Variants in CLYBL observed in about 807,000 individuals in gnomAD.
The protein encoded by CLYBL is citramalyl-CoA lyase, mitochondrial.
Under a neutral mutation model 38.9 loss-of-function variants are expected in CLYBL, and 31 were observed. The ratio of observed to expected loss-of-function variants is 0.80; its 90% CI spans 0.60 to 1.08. The LOEUF (loss-of-function observed/expected upper bound fraction) is 1.08, where lower values mean the gene tolerates loss of function less well. Among genes scored for constraint, CLYBL ranks in the 50% least tolerant of loss-of-function variants. CLYBL has a pLI of 0.00. For synonymous variants in CLYBL, 171 were observed against 158.6 expected (o/e 1.08, Z -0.59); for missense variants, 434 against 411.6 (o/e 1.05, Z -0.47).
At chr13:99,638,829 A>G (rs978980054) in intron 1 of CLYBL, among the ~76,000 whole-genome samples, 3 of 152,206 alleles carry the variant, frequency 2.0e-5, no homozygotes, top group South Asian at 4.1e-4. Flanking sequence ...GGTCCCCATG[A>G]GCTGGCACAC....
intron 8 of CLYBL, 64 bp downstream of exon 8, chr13:99,891,501 G>A: frequency 1.1e-6 from 1 of 903,104 alleles, no homozygotes; most frequent in Non-Finnish European, 1.8e-6. Flanking sequence ...CAACTTGTTA[G>A]GATGCCAGAT....
intron 1 of CLYBL, among the ~76,000 whole-genome samples, chr13:99,708,473 G>A (rs976345904): frequency 1.3e-5 from 2 of 152,210 alleles, no homozygotes; most frequent in Admixed American, 6.5e-5. Flanking sequence ...TGGAATGGAC[G>A]GATAGTGGTT....
At chr13:99,691,902 G>C (rs918934520) in intron 1 of CLYBL, among the ~76,000 whole-genome samples, 4 of 152,222 alleles carry the variant, frequency 2.6e-5, no homozygotes, top group African/African-American at 9.6e-5. Context: ...TGGGAACACA[G>C]AGCGAGAGTT....
chr13:99,793,767 A>G (rs1296115324), intron 2 of CLYBL, among the ~76,000 whole-genome samples: 1 of 152,120 alleles, frequency 6.6e-6, no homozygotes, highest in Non-Finnish European at 1.5e-5. Flanking sequence ...CTTTTCCTGC[A>G]ATTCCTAGGA....
chr13:99,653,841 C>A (rs1468856799), intron 1 of CLYBL, among the ~76,000 whole-genome samples: 1 of 152,100 alleles, frequency 6.6e-6, no homozygotes. Flanking sequence ...GCTGGACATG[C>A]CCATTTTCAT....
At position 99,656,255 on chromosome 13, in the gene CLYBL, G is replaced by A. The variant is rs370946344; in HGVS notation, c.62+49498G>A. Among the ~76,000 whole-genome samples the A allele has an allele frequency of 1.2e-4, 19 of 152,280 alleles. No individual in the cohort carries two copies. In the South Asian group the frequency reaches 3.5e-3, roughly 28 times the overall value. Reference sequence around the variant, plus strand: ...GAGAACCCCCAGACCTTAGGGTGGCGTGTTTGTCAGGGAGTAGACCAGGGT... The same window carrying A: ...GAGAACCCCCAGACCTTAGGGTGGCATGTTTGTCAGGGAGTAGACCAGGGT... On this transcript the variant is annotated intron_variant, in intron 1 of 8. Transcript: ENST00000339105.
intron 1 of CLYBL, among the ~76,000 whole-genome samples, chr13:99,619,255 G>C (rs1566590150): frequency 6.6e-6 from 1 of 152,156 alleles, no homozygotes; most frequent in Non-Finnish European, 1.5e-5. Flanking sequence ...GCTTCAGAGA[G>C]AGTTTTCCAG....
chr13:99,801,265 C>T (rs1211687441), intron 2 of CLYBL, among the ~76,000 whole-genome samples: 1 of 152,202 alleles, frequency 6.6e-6, no homozygotes, highest in African/African-American at 2.4e-5. Context: ...TCCCTTTTCC[C>T]CCTGCCTATT....
chr13:99,794,877 C>T (rs2049991493), intron 2 of CLYBL, among the ~76,000 whole-genome samples: 1 of 152,038 alleles, frequency 6.6e-6, no homozygotes, highest in Non-Finnish European at 1.5e-5. Flanking sequence ...TAGGTGTAAG[C>T]CACCACACCC....
At chr13:99,842,183 G>C (rs778021513) in intron 2 of CLYBL, among the ~76,000 whole-genome samples, 3 of 152,154 alleles carry the variant, frequency 2.0e-5, no homozygotes, top group Admixed American at 6.5e-5. Context: ...AGTGTGATTG[G>C]ATGAGGGGGC....
At chr13:99,812,234 T>C (rs2050356912) in intron 2 of CLYBL, among the ~76,000 whole-genome samples, 1 of 152,194 alleles carries the variant, frequency 6.6e-6, no homozygotes, top group Non-Finnish European at 1.5e-5. Flanking sequence ...CACATTTGTC[T>C]AGAGTTTTCT....
chr13:99,768,197 T>TTC (rs1555303281), intron 1 of CLYBL, among the ~76,000 whole-genome samples: 1 of 140,780 alleles, frequency 7.1e-6, no homozygotes, highest in African/African-American at 2.6e-5. Context: ...TTTTTCTTTT[T>TTC]TTTTTTTTTT....
intron 1 of CLYBL, among the ~76,000 whole-genome samples, chr13:99,715,339 TC>T (rs2048295960): frequency 6.6e-6 from 1 of 152,180 alleles, no homozygotes; most frequent in Non-Finnish European, 1.5e-5. Context: ...GGGATTTACT[TC>T]CTTTGCCCTT....
intron 1 of CLYBL, among the ~76,000 whole-genome samples, chr13:99,685,795 C>G (rs1464143457): frequency 6.6e-6 from 1 of 152,072 alleles, no homozygotes; most frequent in Admixed American, 6.6e-5. Context: ...AACCCCGCCT[C>G]TACTAAAAAT....
intron 1 of CLYBL, among the ~76,000 whole-genome samples, chr13:99,610,666 T>G (rs2046612532): frequency 6.6e-6 from 1 of 152,192 alleles, no homozygotes; most frequent in Non-Finnish European, 1.5e-5. Flanking sequence ...TTGTCCTGCT[T>G]CCACAGAGAC....
intron 1 of CLYBL, among the ~76,000 whole-genome samples, chr13:99,640,545 T>C (rs920912781): frequency 6.6e-6 from 1 of 152,248 alleles, no homozygotes; most frequent in Non-Finnish European, 1.5e-5. Context: ...TGTGAAAACA[T>C]TTAGCAGGCT....
At chr13:99,779,962 C>G (rs1292183901) in intron 2 of CLYBL, among the ~76,000 whole-genome samples, 1 of 152,034 alleles carries the variant, frequency 6.6e-6, no homozygotes, top group Non-Finnish European at 1.5e-5. Flanking sequence ...ATATTTTCTA[C>G]TTACTAGATG....
chr13:99,768,528 T>TA (rs869064940), intron 1 of CLYBL, among the ~76,000 whole-genome samples: 3 of 10,290 alleles, frequency 2.9e-4, no homozygotes, highest in Non-Finnish European at 6.8e-4. Context: ...TTTTTTTTTT[T>TA]AAAGACAGAA....
chr13:99,887,133 C>G (rs1267849090), intron 7 of CLYBL, among the ~76,000 whole-genome samples: 1 of 152,238 alleles, frequency 6.6e-6, no homozygotes, highest in Non-Finnish European at 1.5e-5. Flanking sequence ...CACGGAAGTT[C>G]TCAACGTGAA....
Sources: allele counts gnomAD v4.1 joint callset (sites outside exome capture counted in the v4.1 genomes callset), GRCh38; gene constraint gnomAD v4.1.1; transcripts MANE v1.5; gene names NCBI Gene and HGNC (gene_info 2026-07-23, HGNC 2026-07-21).